The following MTARC1 variants were observed in gnomAD, a reference collection of about 807,000 sequenced individuals.
MTARC1 encodes mitochondrial amidoxime-reducing component 1.
MTARC1 carries 24 observed loss-of-function variants against 33.6 expected under a neutral mutation model. That is an observed-to-expected ratio of 0.72 (90% CI 0.52 to 1.01). The LOEUF (loss-of-function observed/expected upper bound fraction) is 1.01. Among genes scored for constraint, MTARC1 ranks in the 50% least tolerant of loss-of-function variants. MTARC1 has a pLI of 0.00. For synonymous variants in MTARC1, 187 were observed against 189.5 expected (o/e 0.99, Z 0.11); for missense variants, 417 against 445.7 (o/e 0.94, Z 0.58).
chr1:220,787,164 G>C lies in MTARC1; in HGVS notation c.220G>C (p.Val74Leu). 1.3e-6 allele frequency: 2 copies of C among 1,579,686 alleles called. No homozygotes were observed. The highest frequency in any genetic ancestry group is 8.6e-7 in the Non-Finnish European group (1 of 1,163,712). ...TGTGAAATCCTGCAAGGGGGTGCCG[G>C]TGAGCGAGGCGGAGTGCACGGCCAT... ...YPVKSCKGVP[V>L]SEAECTAMGL... The change falls in exon 1 of 7, where the codon GTG (valine) becomes CTG (leucine). Residue 74 changes from valine (V) to leucine (L), a missense_variant. Transcript: ENST00000366910.
chr1:220,798,389 G>A (rs1672688150), intron 4 of MTARC1: 8 of 1,177,922 alleles, frequency 6.8e-6, no homozygotes, highest in Admixed American at 7.5e-5. Flanking sequence ...TTTAGTAGAC[G>A]GCTCTCTTGG....
intron 6 of MTARC1, among the ~76,000 whole-genome samples, chr1:220,810,246 TGTTTCAGA>T (rs1309440996): frequency 6.6e-6 from 1 of 152,230 alleles, no homozygotes; most frequent in Non-Finnish European, 1.5e-5. Context: ...GAAAGAATAC[TGTTTCAGA>T]GTGTTGAACT....
rs755663412 is a variant in MTARC1 at position 220,813,467 on chromosome 1, A to G, written c.*49A>G. On this transcript the variant is annotated 3_prime_UTR_variant, in exon 7 of 7. Coordinates refer to ENST00000366910, the MANE Select transcript of MTARC1 (RefSeq NM_022746.4). The stretch of plus-strand genomic sequence containing the variant: ...TTAGATGCCTTTTAAAAATGTTCTC[A>G]AAAATGACAACACTTGAAGCATGGT... 6.2e-7 allele frequency: 1 copy of G among 1,605,094 alleles called. No homozygotes were observed. The highest frequency in any genetic ancestry group is 1.1e-5 in the South Asian group (1 of 90,744).
intron 4 of MTARC1, among the ~76,000 whole-genome samples, chr1:220,802,901 G>T (rs1672858998): frequency 6.6e-6 from 1 of 152,168 alleles, no homozygotes; most frequent in African/African-American, 2.4e-5. Context: ...CGCTCTAAAA[G>T]TTTGTAACAA....
intron 4 of MTARC1, 82 bp from the exon 5 acceptor site, chr1:220,804,970 C>T (rs778307895): frequency 5.9e-5 from 87 of 1,463,998 alleles, no homozygotes; most frequent in Middle Eastern, 1.8e-4. Context: ...TCGTTAGGTG[C>T]GAGGGCTCCT....
At chr1:220,810,421 C>T (rs1673095023) in intron 6 of MTARC1, among the ~76,000 whole-genome samples, 1 of 152,158 alleles carries the variant, frequency 6.6e-6, no homozygotes, top group Admixed American at 6.5e-5. Context: ...CGCAGCAAAA[C>T]CAGGCAGCTG....
At position 220,813,471 on chromosome 1, in the gene MTARC1, A is replaced by T. The variant is rs1673203008; in HGVS notation, c.*53A>T. On this transcript the variant is annotated 3_prime_UTR_variant, in exon 7 of 7. Coordinates refer to ENST00000366910, the MANE Select transcript of MTARC1 (RefSeq NM_022746.4). ...ATGCCTTTTAAAAATGTTCTCAAAA[A>T]TGACAACACTTGAAGCATGGTGTTT... 1.2e-6 allele frequency: 2 copies of T among 1,603,090 alleles called. No homozygotes were observed. The highest frequency in any genetic ancestry group is 3.4e-5 in the Admixed American group (2 of 59,264).
At position 220,787,224 on chromosome 1, in the gene MTARC1, G is replaced by C. The variant is rs1360188961; in HGVS notation, c.275+5G>C. 1 of 1,561,584 alleles carries C rather than the reference G, an allele frequency of 6.4e-7. No homozygotes were observed. The highest frequency in any genetic ancestry group is 8.7e-7 in the Non-Finnish European group (1 of 1,154,922). On this transcript the variant is annotated splice_donor_5th_base_variant and intron_variant, in intron 1 of 6. Transcript: ENST00000366910. ...CAGCGGCAACCTGCGGGACAGGTAC[G>C]GCCAAGCGCCGGCGCGGGGCAGCGC...
chr1:220,787,716 G>T (rs1396540328), intron 1 of MTARC1, among the ~76,000 whole-genome samples: 1 of 152,170 alleles, frequency 6.6e-6, no homozygotes, highest in African/African-American at 2.4e-5. Context: ...ACCTTCGGGC[G>T]CGGTGGCTCA....
In MTARC1 at chr1:220,796,822, C is replaced by T; in HGVS notation, c.612+17C>T. On this transcript the variant is annotated intron_variant, in intron 3 of 6. Coordinates refer to ENST00000366910, the MANE Select transcript of MTARC1 (RefSeq NM_022746.4). ...AAGGACCAGGTGAGAGGTTCTGCTG[C>T]CTCCATGGGTAGAAAGCAGTCACCC... is the stretch of plus-strand genomic sequence containing the variant. 1 of 1,589,618 alleles carries T rather than the reference C, an allele frequency of 6.3e-7. No homozygotes were observed. The highest frequency in any genetic ancestry group is 8.6e-7 in the Non-Finnish European group (1 of 1,168,240).
At chr1:220,799,242 T>C (rs1672713309) in intron 4 of MTARC1, 2 of 931,180 alleles carry the variant, frequency 2.1e-6, no homozygotes, top group South Asian at 9.9e-5. Flanking sequence ...AAGGGTAGCG[T>C]TTCTTCTAAA....
intron 1 of MTARC1, chr1:220,791,266 A>T (rs1672411417): frequency 2.3e-6 from 1 of 441,050 alleles, no homozygotes; most frequent in Non-Finnish European, 4.1e-6. Flanking sequence ...TGTTCTCCAG[A>T]TATATGTTGG....
chr1:220,813,271 C>G, intron 6 of MTARC1, 21 bp from the exon 7 acceptor site: 1 of 1,613,922 alleles, frequency 6.2e-7, no homozygotes, highest in Non-Finnish European at 8.5e-7. Flanking sequence ...TGTGACTCAT[C>G]ATGATCTTTT....
intron 6 of MTARC1, among the ~76,000 whole-genome samples, chr1:220,806,269 T>A (rs1194901550): frequency 6.6e-6 from 1 of 152,228 alleles, no homozygotes; most frequent in Non-Finnish European, 1.5e-5. Context: ...CATTGAATGC[T>A]GAGTCACAGG....
chr1:220,805,215 C>A lies in MTARC1; in HGVS notation c.828C>A (p.Thr276=), dbSNP rs1558091709. Residue 276 remains threonine, a synonymous_variant, in exon 6 of 7, where the codon ACC becomes ACA. Coordinates refer to ENST00000366910, the MANE Select transcript of MTARC1 (RefSeq NM_022746.4). ...RVMACSRCIL[T]TVDPDTGVMS... The stretch of plus-strand genomic sequence containing the variant: ...TGTGTGTGTCCAGATGCATTTTAAC[C>A]ACAGTGGACCCAGACACCGGTGTCA... 2 of 1,613,988 alleles carry A rather than the reference C, an allele frequency of 1.2e-6. No individual in the cohort carries two copies. The highest frequency in any genetic ancestry group is 1.7e-4 in the Middle Eastern group (1 of 5,934).
Position 220,786,967 on chromosome 1 carries a change from C to T in MTARC1, c.23C>T (p.Ala8Val), listed in dbSNP as rs556720666. The T allele has an allele frequency of 1.0e-4, 127 of 1,250,996 alleles. No individual in the cohort carries two copies. The African/African-American group carries it at 1.8e-3, about 18-fold the overall frequency. 77.5% of individuals were successfully genotyped at this position (1,250,996 alleles called of 1,614,324 possible). The change falls in exon 1 of 7, where the codon GCG (alanine) becomes GTG (valine). Residue 8 changes from alanine to valine, a missense_variant. Transcript: ENST00000366910. ...GCCATGGGCGCCGCCGGCTCCTCCG[C>T]GCTGGCGCGCTTTGTCCTCCTCGCG... MGAAGSSALARFVLLAQS... is the reference protein window; with the variant it reads MGAAGSSVLARFVLLAQS...
chr1:220,808,657 G>A (rs1673041538), intron 6 of MTARC1, among the ~76,000 whole-genome samples: 1 of 152,196 alleles, frequency 6.6e-6, no homozygotes, highest in African/African-American at 2.4e-5. Flanking sequence ...GCTCAGCTGG[G>A]AGACCTCTGT....
At chr1:220,807,752 A>G (rs1013345940) in intron 6 of MTARC1, among the ~76,000 whole-genome samples, 20 of 152,178 alleles carry the variant, frequency 1.3e-4, no homozygotes, top group African/African-American at 4.3e-4. Context: ...GTGACAGAAC[A>G]TTGATGAGAG....
chr1:220,801,332 C>T (rs1403944149), intron 4 of MTARC1, among the ~76,000 whole-genome samples: 1 of 148,950 alleles, frequency 6.7e-6, no homozygotes, highest in Non-Finnish European at 1.5e-5. Flanking sequence ...GCTTCACTGA[C>T]CCCGCTCACC....
Sources: gnomAD v4.1 joint callset for allele counts (sites outside exome capture counted in the v4.1 genomes callset) on GRCh38, gnomAD v4.1.1 for gene constraint, MANE v1.5 for transcripts, NCBI Gene and HGNC (gene_info 2026-07-23, HGNC 2026-07-21) for gene names.